CNTNAP2: variants seen among roughly 807,000 people sequenced by gnomAD.
The protein encoded by CNTNAP2 is contactin associated protein 2, also known as contactin-associated protein-like 2.
A neutral mutation model predicts 155.2 loss-of-function variants in CNTNAP2; 98 were observed. That is an observed-to-expected ratio of 0.63 (90% confidence interval 0.54 to 0.75). CNTNAP2 has a LOEUF of 0.75. Among genes scored for constraint, CNTNAP2 ranks in the 30% least tolerant of loss-of-function variants. The pLI is 0.00. For missense variants in CNTNAP2, 1,727 were observed against 1,688.1 expected (o/e 1.02, Z -0.40); for synonymous variants, 651 against 631.2 (o/e 1.03, Z -0.47).
intron 8 of CNTNAP2, among the ~76,000 whole-genome samples, chr7:147,265,743 C>G (rs780318821): frequency 6.6e-6 from 1 of 152,120 alleles, no homozygotes; most frequent in Non-Finnish European, 1.5e-5. Context: ...GACACCTTAT[C>G]CAGGAGCATT....
intron 1 of CNTNAP2, among the ~76,000 whole-genome samples, chr7:146,468,828 A>G (rs1796753718): frequency 1.3e-5 from 2 of 152,214 alleles, no homozygotes; most frequent in Admixed American, 1.3e-4. Context: ...TGAAAATTAT[A>G]GACTGAGATA....
chr7:148,299,713 T>C (rs1175729788), intron 21 of CNTNAP2, among the ~76,000 whole-genome samples: 1 of 152,208 alleles, frequency 6.6e-6, no homozygotes, highest in African/African-American at 2.4e-5. Context: ...ATATTGGATG[T>C]AAGGTACAAT....
In CNTNAP2 at chr7:146,349,243, G is replaced by C. The variant is rs527750230; in HGVS notation, c.97+232270G>C. Among the ~76,000 whole-genome samples, 3 of 149,174 alleles carry C rather than the reference G, an allele frequency of 2.0e-5. No individual in the cohort carries two copies. The East Asian group carries it at 5.8e-4, about 29-fold the overall frequency. On this transcript the variant is annotated intron_variant, in intron 1 of 23. Transcript: ENST00000361727. ...TCTGTCAATATTCATGGTAGGATGT[G>C]GGTGGGGAACGAGGTCATACATAGG...
At chr7:147,926,919 T>C (rs965567651) in intron 14 of CNTNAP2, among the ~76,000 whole-genome samples, 2 of 152,190 alleles carry the variant, frequency 1.3e-5, no homozygotes, top group South Asian at 4.1e-4. Flanking sequence ...TCCTCTCTAA[T>C]TTAAATTATT....
chr7:147,948,472 A>G (rs1056238527), intron 14 of CNTNAP2, among the ~76,000 whole-genome samples: 2 of 151,150 alleles, frequency 1.3e-5, no homozygotes, highest in African/African-American at 4.8e-5. Context: ...TTAATAAAAT[A>G]AAAATAAAAT....
intron 18 of CNTNAP2, among the ~76,000 whole-genome samples, chr7:148,195,920 A>G (rs1795269372): frequency 6.6e-6 from 1 of 152,230 alleles, no homozygotes. Flanking sequence ...AGACATTCAG[A>G]GCACGCATCC....
At chr7:147,925,097 C>T (rs941025100) in intron 14 of CNTNAP2, among the ~76,000 whole-genome samples, 2 of 138,472 alleles carry the variant, frequency 1.4e-5, no homozygotes, top group Non-Finnish European at 3.1e-5. Context: ...GCAGCCTGGG[C>T]GACAGAGCGA....
At chr7:146,907,587 G>C (rs1257403423) in intron 3 of CNTNAP2, among the ~76,000 whole-genome samples, 2 of 147,588 alleles carry the variant, frequency 1.4e-5, no homozygotes, top group Non-Finnish European at 3.0e-5. Context: ...ATACTTTACA[G>C]ACAAGCAAAT....
At chr7:147,483,680 C>T (rs1233405770) in intron 10 of CNTNAP2, among the ~76,000 whole-genome samples, 1 of 152,172 alleles carries the variant, frequency 6.6e-6, no homozygotes, top group Non-Finnish European at 1.5e-5. Context: ...TACCATACAA[C>T]ACCATATACG....
chr7:146,200,001 T>C (rs1798834218), intron 1 of CNTNAP2, among the ~76,000 whole-genome samples: 1 of 152,186 alleles, frequency 6.6e-6, no homozygotes, highest in Non-Finnish European at 1.5e-5. Context: ...AGTCCGAAAA[T>C]TAGTTCTAAG....
intron 14 of CNTNAP2, among the ~76,000 whole-genome samples, chr7:147,916,434 G>A (rs923988032): frequency 1.3e-5 from 2 of 152,094 alleles, no homozygotes; most frequent in South Asian, 4.1e-4. Context: ...CAAAGAGAGC[G>A]ATTAATCAGG....
chr7:146,730,743 G>C (rs1048250681), intron 1 of CNTNAP2, among the ~76,000 whole-genome samples: 11 of 152,036 alleles, frequency 7.2e-5, no homozygotes, highest in Admixed American at 4.6e-4. Flanking sequence ...CTGTTTCATT[G>C]ACTTAGTGAG....
At chr7:146,734,552 T>A (rs1420470214) in intron 1 of CNTNAP2, among the ~76,000 whole-genome samples, 2 of 152,084 alleles carry the variant, frequency 1.3e-5, no homozygotes, top group Admixed American at 1.3e-4. Context: ...CACACAAAAT[T>A]TAGACAACAG....
chr7:146,443,911 G>T (rs1584928187), intron 1 of CNTNAP2, among the ~76,000 whole-genome samples: 1 of 152,246 alleles, frequency 6.6e-6, no homozygotes, highest in Middle Eastern at 3.4e-3. Flanking sequence ...TGTGAATATG[G>T]CTAGTATTAT....
intron 3 of CNTNAP2, among the ~76,000 whole-genome samples, chr7:147,018,775 T>A (rs1293679904): frequency 6.6e-6 from 1 of 152,016 alleles, no homozygotes; most frequent in African/African-American, 2.4e-5. Flanking sequence ...AGAGCCGCTA[T>A]GTTCTAAATG....
At chr7:147,716,939 A>T (rs558027067) in intron 13 of CNTNAP2, among the ~76,000 whole-genome samples, 5 of 152,244 alleles carry the variant, frequency 3.3e-5, no homozygotes, top group African/African-American at 1.2e-4. Flanking sequence ...GCTTGAGGTG[A>T]ACTTTACATT....
intron 1 of CNTNAP2, among the ~76,000 whole-genome samples, chr7:146,441,902 T>A (rs1261929379): frequency 1.3e-5 from 2 of 151,594 alleles, no homozygotes; most frequent in African/African-American, 2.4e-5. Flanking sequence ...AGATAAAACA[T>A]GTAAAGATAT....
chr7:147,411,179 A>G (rs1797095957), intron 10 of CNTNAP2, among the ~76,000 whole-genome samples: 2 of 152,186 alleles, frequency 1.3e-5, no homozygotes, highest in African/African-American at 4.8e-5. Context: ...ACAGACTTAG[A>G]AGCCAGATGT....
At chr7:147,403,273 G>A (rs557369055) in intron 10 of CNTNAP2, among the ~76,000 whole-genome samples, 4 of 152,212 alleles carry the variant, frequency 2.6e-5, no homozygotes, top group Admixed American at 2.6e-4. Context: ...CTTTCCAGAT[G>A]GAACCAACAT....
Sources: allele counts gnomAD v4.1 joint callset (sites outside exome capture counted in the v4.1 genomes callset), GRCh38; gene constraint gnomAD v4.1.1; transcripts MANE v1.5; gene names NCBI Gene and HGNC (gene_info 2026-07-23, HGNC 2026-07-21).